The following ZC3H4 variants were observed in gnomAD, a reference collection of about 807,000 sequenced individuals.
ZC3H4 encodes the protein zinc finger CCCH domain-containing protein 4.
A neutral mutation model predicts 108.3 loss-of-function variants in ZC3H4; 13 were observed. The ratio of observed to expected loss-of-function variants is 0.12; its 90% confidence interval spans 0.08 to 0.19. The LOEUF (loss-of-function observed/expected upper bound fraction) is 0.19, where lower values mean the gene tolerates loss of function less well. ZC3H4 is among the 10% of genes least tolerant of loss of function. The pLI, the probability that ZC3H4 is intolerant of heterozygous loss-of-function variation, is 1.00. For missense variants in ZC3H4, 1,734 were observed against 1,838.8 expected (o/e 0.94, Z 1.04); for synonymous variants, 917 against 749.6 (o/e 1.22, Z -3.65).
At chr19:47,071,235 T>C (rs2057319623) in intron 13 of ZC3H4, among the ~76,000 whole-genome samples, 1 of 152,182 alleles carries the variant, frequency 6.6e-6, no homozygotes, top group Non-Finnish European at 1.5e-5. Flanking sequence ...TGGTGGCCTC[T>C]CGTGCCTGGC....
intron 9 of ZC3H4, among the ~76,000 whole-genome samples, chr19:47,083,852 C>T (rs578179454): frequency 2.6e-5 from 4 of 152,220 alleles, no homozygotes; most frequent in South Asian, 2.1e-4. Context: ...AAGAAGCTGC[C>T]GGCTGAACTA....
At position 47,092,556 on chromosome 19, in the gene ZC3H4, C is replaced by T. The variant is rs1469091241; in HGVS notation, c.492+1414G>A. Among the ~76,000 whole-genome samples, 5 of 152,238 alleles carry T rather than the reference C, an allele frequency of 3.3e-5. No homozygotes were observed. The East Asian group carries it at 9.7e-4, about 29-fold the overall frequency. ...AACCAGCCGGGCACGGTGGCTCTCG[C>T]CTGTAACCCTAGCACTGTGGGAGGC... is the stretch of plus-strand genomic sequence containing the variant. On this transcript the variant is annotated intron_variant, in intron 4 of 14. Coordinates refer to ENST00000253048, the MANE Select transcript of ZC3H4 (RefSeq NM_015168.2).
intron 8 of ZC3H4, 123 bp downstream of exon 8, chr19:47,084,933 G>T: frequency 7.5e-7 from 1 of 1,330,428 alleles, no homozygotes; most frequent in Non-Finnish European, 1.1e-6. Flanking sequence ...GTCAACACTG[G>T]CCAGCCCTTT....
At chr19:47,099,820 TTA>T (rs1491523501) in intron 2 of ZC3H4, among the ~76,000 whole-genome samples, 36 of 137,810 alleles carry the variant, frequency 2.6e-4, no homozygotes, top group African/African-American at 1.0e-3. Context: ...TTACAAGAGT[TTA>T]AAAAAAAAAA....
chr19:47,093,956 T>A lies in ZC3H4; in HGVS notation c.492+14A>T. On this transcript the variant is annotated intron_variant, in intron 4 of 14. Coordinates refer to ENST00000253048, the MANE Select transcript of ZC3H4 (RefSeq NM_015168.2). ...CCCGGCCCCAGAGCTCAGCAGTGCA[T>A]GCCAGTCACTCACCGGCGCATATGG... The A allele has an allele frequency of 6.2e-7, 1 of 1,607,158 alleles. No individual in the cohort carries two copies. The highest frequency in any genetic ancestry group is 8.5e-7 in the Non-Finnish European group (1 of 1,173,916).
rs2057180575 is a variant in ZC3H4, at chr19:47,065,461, T to G, written c.*895A>C. 1 of 152,748 alleles carries G rather than the reference T, an allele frequency of 6.5e-6. No homozygotes were observed. Among genetic ancestry groups the G allele is most frequent in the African/African-American group, 2.4e-5 (1 of 41,414 alleles). The allele number at this position is 152,748 out of a possible 1,614,324, so 9.5% of individuals were successfully genotyped here. A position where few individuals can be genotyped will look rare whatever the true frequency, so the allele number is the denominator to read the frequency against. On this transcript the variant is annotated 3_prime_UTR_variant, in exon 15 of 15. Transcript: ENST00000253048. The stretch of plus-strand genomic sequence containing the variant: ...CCGGGGCTGGGCTGCAGTGCAGGCA[T>G]AGCGGGTGCGTGGCTTGAGGACCAG...
chr19:47,074,527 T>G (rs1342475531), intron 11 of ZC3H4, among the ~76,000 whole-genome samples: 1 of 152,236 alleles, frequency 6.6e-6, no homozygotes, highest in Non-Finnish European at 1.5e-5. Flanking sequence ...GAAGGCCTGC[T>G]TGCAAGGCTA....
intron 2 of ZC3H4, chr19:47,112,197 G>C: frequency 8.2e-7 from 1 of 1,212,914 alleles, no homozygotes; most frequent in Non-Finnish European, 1.0e-6. Flanking sequence ...GCGAGGGAGA[G>C]CGGGCGAGCG....
chr19:47,093,085 G>A (rs900902219), intron 4 of ZC3H4, among the ~76,000 whole-genome samples: 10 of 150,936 alleles, frequency 6.6e-5, no homozygotes, highest in South Asian at 2.1e-4. Flanking sequence ...GAGTGGTGGC[G>A]GGTGCCTGTA....
At chr19:47,110,522 C>G (rs2058024177) in intron 2 of ZC3H4, among the ~76,000 whole-genome samples, 1 of 152,036 alleles carries the variant, frequency 6.6e-6, no homozygotes, top group African/African-American at 2.4e-5. Flanking sequence ...AATCCTGATT[C>G]GAACATATCA....
chr19:47,101,083 T>C (rs2057897887), intron 2 of ZC3H4, among the ~76,000 whole-genome samples: 1 of 151,986 alleles, frequency 6.6e-6, no homozygotes, highest in Non-Finnish European at 1.5e-5. Flanking sequence ...GGCTCATGCC[T>C]GTAATCCCAG....
rs995679929 is a variant in ZC3H4 at position 47,112,453 on chromosome 19, G to C, written c.132C>G (p.Leu44=). 8.1e-7 allele frequency: 1 copy of C among 1,234,750 alleles called. No individual in the cohort carries two copies. Among genetic ancestry groups the C allele is most frequent in the Non-Finnish European group, 1.0e-6 (1 of 984,678 alleles). 76.5% of individuals were successfully genotyped at this position (1,234,750 alleles called of 1,614,324 possible). Reference sequence around the variant, plus strand: ...CGTCAGGGAGCGGGAGGCGGTGGTGGAGGAGGTGCGGGGTGGCCGGGCGGG... The same window carrying C: ...CGTCAGGGAGCGGGAGGCGGTGGTGCAGGAGGTGCGGGGTGGCCGGGCGGG... ...PDARPATPHL[L]HHRLPLPDDR... is the part of the protein sequence containing the mutation. Residue 44 remains leucine, a synonymous_variant, in exon 2 of 15, where the codon CTC becomes CTG. Coordinates refer to ENST00000253048, the MANE Select transcript of ZC3H4 (RefSeq NM_015168.2).
intron 5 of ZC3H4, 24 bp from the exon 6 acceptor site, chr19:47,086,562 G>A: frequency 6.4e-7 from 1 of 1,556,228 alleles, no homozygotes. Context: ...CAGATAGTGA[G>A]CCTCCAGCAG....
intron 5 of ZC3H4, 65 bp from the exon 6 acceptor site, chr19:47,086,603 A>C: frequency 6.7e-7 from 1 of 1,500,366 alleles, no homozygotes; most frequent in South Asian, 1.3e-5. Context: ...AAAGAAGACA[A>C]CCCACATTTT....
intron 5 of ZC3H4, among the ~76,000 whole-genome samples, chr19:47,087,781 C>T (rs1314964904): frequency 2.0e-5 from 3 of 151,844 alleles, no homozygotes; most frequent in South Asian, 2.1e-4. Flanking sequence ...GGCTAAGGCA[C>T]GAGAATTGCT....
In ZC3H4 at chr19:47,066,920, T is replaced by C. The variant is rs1397723377; in HGVS notation, c.3348A>G (p.Pro1116=). The C allele has an allele frequency of 1.9e-6, 3 of 1,596,458 alleles. No homozygotes were observed. In the South Asian group the frequency reaches 3.3e-5, roughly 18 times the overall value. The change falls in exon 15 of 15, where the codon CCA becomes CCG. Residue 1116 remains proline (P), a synonymous_variant. Coordinates refer to ENST00000253048, the MANE Select transcript of ZC3H4 (RefSeq NM_015168.2). ...TASPSGDASP[P]ATAPYDPRVL... ...CGCGGGGGTCGTAGGGAGCGGTGGC[T>C]GGTGGGGAGGCATCCCCACTCGGGC...
chr19:47,066,890 C>A lies in ZC3H4; in HGVS notation c.3378G>T (p.Leu1126=), dbSNP rs1467798445. 2 of 1,598,282 alleles carry A rather than the reference C, an allele frequency of 1.3e-6. No homozygotes were observed. Among genetic ancestry groups the A allele is most frequent in the African/African-American group, 2.7e-5 (2 of 74,990 alleles). Residue 1126 remains leucine, a synonymous_variant, in exon 15 of 15, where the codon CTG becomes CTT. Coordinates refer to ENST00000253048, the MANE Select transcript of ZC3H4 (RefSeq NM_015168.2). ...PATAPYDPRV[L]AAGGLGQGGG... is the part of the protein sequence containing the mutation. ...CGCCCTGGCCCAGTCCACCGGCCGCCAGCACGCGGGGGTCGTAGGGAGCGG... is the reference window on the plus strand; with the variant it reads ...CGCCCTGGCCCAGTCCACCGGCCGCAAGCACGCGGGGGTCGTAGGGAGCGG...
chr19:47,112,302 TTCCTCCTCC>T (rs371203061), intron 2 of ZC3H4, 113 bp downstream of exon 2: 642 of 1,051,948 alleles, frequency 6.1e-4, no homozygotes, highest in Non-Finnish European at 6.8e-4. Flanking sequence ...GACCCCGCCC[TTCCTCCTCC>T]TCCTCCTCCT....
chr19:47,098,091 CT>C (rs1453550574), intron 2 of ZC3H4, among the ~76,000 whole-genome samples: 1 of 152,214 alleles, frequency 6.6e-6, no homozygotes, highest in Non-Finnish European at 1.5e-5. Context: ...GCTCCTCCCC[CT>C]GGTCAAAGAA....
Sources: gnomAD v4.1 joint callset for allele counts (sites outside exome capture counted in the v4.1 genomes callset) on GRCh38, gnomAD v4.1.1 for gene constraint, MANE v1.5 for transcripts, NCBI Gene and HGNC (gene_info 2026-07-23, HGNC 2026-07-21) for gene names.